RABGAP1: variants seen among roughly 807,000 people sequenced by gnomAD.
RABGAP1 encodes the protein rab GTPase-activating protein 1.
RABGAP1 carries 23 observed loss-of-function variants against 137.6 expected under a neutral mutation model. The ratio of observed to expected loss-of-function variants is 0.17; its 90% CI spans 0.12 to 0.24. The LOEUF (loss-of-function observed/expected upper bound fraction) is 0.24. RABGAP1 is among the 10% of genes least tolerant of loss of function. The pLI is 1.00. For missense variants in RABGAP1, 906 were observed against 1,275.8 expected, an observed-to-expected ratio of 0.71 and a Z score of 4.42; for synonymous variants, 451 against 450.7, an observed-to-expected ratio of 1.00 and a Z score of -0.01.
intron 25 of RABGAP1, among the ~76,000 whole-genome samples, chr9:123,102,728 A>G (rs1485928950): frequency 6.6e-6 from 1 of 152,104 alleles, no homozygotes; most frequent in Non-Finnish European, 1.5e-5. Flanking sequence ...GAGTGTGTGG[A>G]TCCAGATTGC....
chr9:122,968,269 C>T (rs1194372632), intron 2 of RABGAP1, among the ~76,000 whole-genome samples: 1 of 139,736 alleles, frequency 7.2e-6, no homozygotes, highest in Admixed American at 7.8e-5. Flanking sequence ...GTTGCCCAGG[C>T]TGCAGTGCAG....
chr9:122,986,703 A>G (rs189289281), intron 4 of RABGAP1, among the ~76,000 whole-genome samples: 67 of 152,272 alleles, frequency 4.4e-4, no homozygotes, highest in African/African-American at 1.5e-3. Flanking sequence ...AAAAGATTAT[A>G]TTTTCCATGT....
intron 19 of RABGAP1, among the ~76,000 whole-genome samples, chr9:123,083,221 A>C (rs1035250722): frequency 5.9e-5 from 9 of 152,268 alleles, no homozygotes; most frequent in Admixed American, 5.9e-4. Context: ...GGATTGAATG[A>C]ATGGGACAGG....
At chr9:123,025,893 TA>T (rs1453778285) in intron 13 of RABGAP1, among the ~76,000 whole-genome samples, 15 of 152,292 alleles carry the variant, frequency 9.8e-5, no homozygotes, top group African/African-American at 3.6e-4. Context: ...CTTTATATTT[TA>T]TAGAAGCATT....
chr9:123,055,257 T>C (rs1199473574), intron 13 of RABGAP1, among the ~76,000 whole-genome samples: 1 of 152,214 alleles, frequency 6.6e-6, no homozygotes, highest in Non-Finnish European at 1.5e-5. Context: ...AATGGCACGA[T>C]CACAGCTCAC....
At chr9:122,995,819 T>G (rs972103616) in intron 6 of RABGAP1, among the ~76,000 whole-genome samples, 1 of 152,180 alleles carries the variant, frequency 6.6e-6, no homozygotes, top group Non-Finnish European at 1.5e-5. Context: ...TCTACTCACC[T>G]CAGTCTCCCA....
intron 10 of RABGAP1, among the ~76,000 whole-genome samples, chr9:123,002,752 ATAACT>A (rs1383756440): frequency 6.6e-6 from 1 of 152,190 alleles, no homozygotes; most frequent in Non-Finnish European, 1.5e-5. Flanking sequence ...ACTTCTATTA[ATAACT>A]TAATTTTTTT....
intron 11 of RABGAP1, among the ~76,000 whole-genome samples, chr9:123,012,815 A>G (rs1363672032): frequency 6.6e-6 from 1 of 152,250 alleles, no homozygotes; most frequent in African/African-American, 2.4e-5. Context: ...TAATAACAGG[A>G]GAACTGGGAC....
chr9:123,037,271 C>A (rs1252364627), intron 13 of RABGAP1, among the ~76,000 whole-genome samples: 2 of 152,192 alleles, frequency 1.3e-5, no homozygotes, highest in African/African-American at 4.8e-5. Flanking sequence ...TAGACATCAA[C>A]TTGATTTTAA....
intron 6 of RABGAP1, among the ~76,000 whole-genome samples, 169 bp from the exon 7 acceptor site, chr9:122,995,872 A>G (rs1836997078): frequency 6.6e-6 from 1 of 152,152 alleles, no homozygotes; most frequent in South Asian, 2.1e-4. Context: ...CCTAGACTCA[A>G]ATGATGTTTT....
At chr9:123,085,757 C>T (rs971890890) in intron 19 of RABGAP1, among the ~76,000 whole-genome samples, 1 of 152,132 alleles carries the variant, frequency 6.6e-6, no homozygotes, top group South Asian at 2.1e-4. Context: ...TTGTGTGAAA[C>T]GCGTTAGGAA....
Position 122,983,711 on chromosome 9 carries a change from ATTCTT to A in RABGAP1, c.151-771_151-767del, listed in dbSNP as rs553725643. On this transcript the variant is annotated intron_variant, in intron 2 of 25. Transcript: ENST00000373647. ...CCCATGACTTCGTTTTTCTAACTCA[ATTCTT>A]TTGTTAATTTTTTTAGTATTTCTTA... Among the ~76,000 whole-genome samples, 224 of 152,180 alleles carry A rather than the reference ATTCTT, an allele frequency of 1.5e-3. 1 individual carries two copies. The highest frequency in any genetic ancestry group is 0.012 in the Admixed American group (190 of 15,288).
chr9:123,065,648 A>G, intron 14 of RABGAP1, 187 bp downstream of exon 14: 1 of 547,374 alleles, frequency 1.8e-6, no homozygotes, highest in Non-Finnish European at 3.3e-6. Context: ...AATAATAAGA[A>G]ATAAAATGGT....
intron 13 of RABGAP1, among the ~76,000 whole-genome samples, chr9:123,054,125 A>G (rs2033600330): frequency 6.6e-6 from 1 of 152,246 alleles, no homozygotes; most frequent in South Asian, 2.1e-4. Flanking sequence ...AATCTATTTT[A>G]GGAGAGCCTT....
At chr9:123,075,062 A>G (rs1388265193) in intron 17 of RABGAP1, among the ~76,000 whole-genome samples, 1 of 152,216 alleles carries the variant, frequency 6.6e-6, no homozygotes, top group Non-Finnish European at 1.5e-5. Context: ...CCATGACGTA[A>G]TTTTGGATTT....
intron 11 of RABGAP1, among the ~76,000 whole-genome samples, chr9:123,012,102 T>G (rs1389772992): frequency 6.6e-6 from 1 of 152,250 alleles, no homozygotes; most frequent in African/African-American, 2.4e-5. Flanking sequence ...CATCATCTCT[T>G]GCATTTAGTT....
chr9:122,985,860 A>G (rs925790174), intron 3 of RABGAP1, among the ~76,000 whole-genome samples: 13 of 152,208 alleles, frequency 8.5e-5, no homozygotes, highest in African/African-American at 3.1e-4. Flanking sequence ...TGGAATATGC[A>G]TATAATTACC....
intron 8 of RABGAP1, 112 bp from the exon 9 acceptor site, chr9:122,997,147 C>T: frequency 2.8e-6 from 2 of 719,530 alleles, no homozygotes; most frequent in Non-Finnish European, 2.3e-6. Flanking sequence ...CACTTATCCT[C>T]TTCCATATTC....
chr9:122,995,366 G>C (rs958288265), intron 6 of RABGAP1, among the ~76,000 whole-genome samples: 5 of 152,088 alleles, frequency 3.3e-5, no homozygotes, highest in Non-Finnish European at 7.4e-5. Context: ...AAGCAAAGAA[G>C]GTGATAATAA....
Sources: allele counts gnomAD v4.1 joint callset (sites outside exome capture counted in the v4.1 genomes callset), GRCh38; gene constraint gnomAD v4.1.1; transcripts MANE v1.5; gene names NCBI Gene and HGNC (gene_info 2026-07-23, HGNC 2026-07-21).